WDR49: variants seen among roughly 807,000 people sequenced by gnomAD.
The protein encoded by WDR49 is WD repeat domain 49.
WDR49 carries 107 observed loss-of-function variants against 119.5 expected under a neutral mutation model. The ratio of observed to expected loss-of-function variants is 0.90; its 90% CI spans 0.77 to 1.05. WDR49 has a LOEUF of 1.05. Ranked by LOEUF, WDR49 falls within the 50% of genes least tolerant of loss-of-function variation. The pLI, the probability that WDR49 is intolerant of heterozygous loss-of-function variation, is 0.00. For missense variants in WDR49, 1,240 were observed against 1,220.5 expected (o/e 1.02, Z -0.24); for synonymous variants, 425 against 418.8 (o/e 1.01, Z -0.18).
intron 2 of WDR49, among the ~76,000 whole-genome samples, chr3:167,638,819 G>A (rs1460246699): frequency 6.6e-6 from 1 of 151,424 alleles, no homozygotes; most frequent in African/African-American, 2.4e-5. Context: ...TTAAAGTTTT[G>A]TAACTAACAA....
At chr3:167,627,433 T>A in intron 2 of WDR49, 141 bp from the exon 3 acceptor site, 1 of 741,732 alleles carries the variant, frequency 1.3e-6, no homozygotes, top group South Asian at 7.3e-5. Flanking sequence ...TTCATAACAG[T>A]AATATACTCA....
In WDR49 at chr3:167,602,234, A is replaced by G; in HGVS notation, c.1168T>C (p.Tyr390His). 9 of 1,597,010 alleles carry G rather than the reference A, an allele frequency of 5.6e-6. No homozygotes were observed. The highest frequency in any genetic ancestry group is 7.7e-6 in the Non-Finnish European group (9 of 1,167,360). Reference protein sequence around the residue: ...INNKVCLWNPYVVSKPVGVLW... With the variant: ...INNKVCLWNPHVVSKPVGVLW... ...ACACCCACTGGTTTAGAGACAACAT[A>G]GGGATTCCAAAGGCAAACTTTATTG... The change falls in exon 7 of 19, where the codon TAT becomes CAT. Residue 390 changes from tyrosine (Y) to histidine (H), a missense_variant. Transcript: ENST00000682715.
intron 16 of WDR49, among the ~76,000 whole-genome samples, chr3:167,508,610 C>T (rs575342633): frequency 6.6e-6 from 1 of 152,166 alleles, no homozygotes; most frequent in Non-Finnish European, 1.5e-5. Context: ...CTACAGCAAG[C>T]TCCAATATTC....
At chr3:167,596,080 A>C (rs1715417228) in intron 7 of WDR49, among the ~76,000 whole-genome samples, 1 of 148,504 alleles carries the variant, frequency 6.7e-6, no homozygotes, top group African/African-American at 2.5e-5. Context: ...GACACTTCTC[A>C]AAAGAAGACA....
At chr3:167,615,145 G>A (rs1432831154) in intron 5 of WDR49, among the ~76,000 whole-genome samples, 2 of 152,114 alleles carry the variant, frequency 1.3e-5, no homozygotes, top group Non-Finnish European at 2.9e-5. Context: ...TTCTTTCATT[G>A]GTTATGACTG....
intron 7 of WDR49, among the ~76,000 whole-genome samples, chr3:167,595,251 C>T (rs1226013254): frequency 1.3e-5 from 2 of 152,192 alleles, no homozygotes; most frequent in Non-Finnish European, 2.9e-5. Context: ...ATTCCACGCT[C>T]ATGGGTAGGA....
chr3:167,544,662 C>G (rs1446961002), intron 10 of WDR49, among the ~76,000 whole-genome samples: 1 of 151,986 alleles, frequency 6.6e-6, no homozygotes, highest in East Asian at 1.9e-4. Context: ...AAGCTGGATC[C>G]TTGCCTCTTA....
chr3:167,544,631 T>C (rs183316960), intron 10 of WDR49, among the ~76,000 whole-genome samples: 56 of 152,178 alleles, frequency 3.7e-4, no homozygotes, highest in Non-Finnish European at 5.6e-4. Flanking sequence ...CTAGGATAAT[T>C]GGCAAGCCAC....
At chr3:167,530,787 C>T (rs1752822825) in intron 13 of WDR49, among the ~76,000 whole-genome samples, 1 of 152,110 alleles carries the variant, frequency 6.6e-6, no homozygotes, top group Non-Finnish European at 1.5e-5. Flanking sequence ...TCTTGCTGTG[C>T]CCCTACTGTA....
chr3:167,572,406 G>A (rs1713983905), intron 8 of WDR49, among the ~76,000 whole-genome samples: 1 of 152,136 alleles, frequency 6.6e-6, no homozygotes, highest in Admixed American at 6.5e-5. Context: ...CCAAATACAA[G>A]GAAATAATAA....
At chr3:167,578,812 G>C (rs552953172) in intron 7 of WDR49, among the ~76,000 whole-genome samples, 1 of 152,156 alleles carries the variant, frequency 6.6e-6, no homozygotes, top group South Asian at 2.1e-4. Context: ...CACTTGCCTT[G>C]ATGTCTTAAT....
In WDR49 at chr3:167,505,365, A is replaced by T. The variant is rs1233481525; in HGVS notation, c.2826T>A (p.Ser942Arg). ...INLDIKYKER[S>R]TCMKETQKPY... Reference sequence around the variant, plus strand: ...GTTTTTGTGTTTCTTTCATGCAGGTACTTCTTTCCTTATATTTTATATCTA... The same window carrying T: ...GTTTTTGTGTTTCTTTCATGCAGGTTCTTCTTTCCTTATATTTTATATCTA... The change falls in exon 17 of 19, where the codon AGT becomes AGA. Residue 942 changes from serine to arginine, a missense_variant. By Grantham distance (110) the Ser-to-Arg change is moderately radical. Coordinates refer to ENST00000682715, the MANE Select transcript of WDR49 (RefSeq NM_001366157.1). The T allele has an allele frequency of 2.4e-5, 36 of 1,531,602 alleles. No homozygotes were observed. In the African/African-American group the frequency reaches 2.4e-4, roughly 10 times the overall value. 94.9% of individuals were successfully genotyped at this position (1,531,602 alleles called of 1,614,324 possible).
At chr3:167,627,607 G>A (rs934502720) in intron 2 of WDR49, among the ~76,000 whole-genome samples, 1 of 151,962 alleles carries the variant, frequency 6.6e-6, no homozygotes, top group East Asian at 1.9e-4. Context: ...AAGAATTCAG[G>A]TTACCTCTAT....
At chr3:167,626,529 C>T (rs4383523) in intron 3 of WDR49, among the ~76,000 whole-genome samples, 10 of 151,980 alleles carry the variant, frequency 6.6e-5, no homozygotes, top group Non-Finnish European at 1.0e-4. Flanking sequence ...CCCCTTAAAT[C>T]CATTGAATCT....
intron 16 of WDR49, among the ~76,000 whole-genome samples, chr3:167,511,556 C>G (rs1211699261): frequency 2.6e-5 from 4 of 152,168 alleles, no homozygotes; most frequent in Non-Finnish European, 5.9e-5. Context: ...TGAGCTACCT[C>G]CCAGGGAAAC....
At chr3:167,522,038 C>A (rs1201820856) in intron 16 of WDR49, among the ~76,000 whole-genome samples, 2 of 150,560 alleles carry the variant, frequency 1.3e-5, no homozygotes, top group Non-Finnish European at 1.5e-5. Context: ...AAGAAAGGGG[C>A]AAATTTTCAC....
At position 167,608,642 on chromosome 3, in the gene WDR49, A is replaced by G. The variant is rs61413023; in HGVS notation, c.959-4174T>C. Among the ~76,000 whole-genome samples, 6 of 152,318 alleles carry G rather than the reference A, an allele frequency of 3.9e-5. No individual in the cohort carries two copies. The East Asian group carries it at 1.2e-3, about 29-fold the overall frequency. ...AGAAAAGCCATTTCCTTAAAATCAA[A>G]TTATCTGATAAATAAAAATGTTTTT... is the stretch of plus-strand genomic sequence containing the variant. On this transcript the variant is annotated intron_variant, in intron 5 of 18. Transcript: ENST00000682715.
chr3:167,592,490 A>G (rs1470576917), intron 7 of WDR49, among the ~76,000 whole-genome samples: 1 of 148,778 alleles, frequency 6.7e-6, no homozygotes, highest in Admixed American at 6.7e-5. Context: ...GCTGGAGTGC[A>G]ATAGCACCAT....
At chr3:167,514,640 C>G (rs1054112622) in intron 16 of WDR49, among the ~76,000 whole-genome samples, 14 of 83,774 alleles carry the variant, frequency 1.7e-4, no homozygotes, top group Admixed American at 1.2e-3. Context: ...CACACACACA[C>G]ACACACACAC....
Sources: allele counts gnomAD v4.1 joint callset (sites outside exome capture counted in the v4.1 genomes callset), GRCh38; gene constraint gnomAD v4.1.1; transcripts MANE v1.5; gene names NCBI Gene and HGNC (gene_info 2026-07-23, HGNC 2026-07-21).